NXPE1: variants seen among roughly 807,000 people sequenced by gnomAD.
The protein encoded by NXPE1 is neurexophilin and PC-esterase domain family member 1, also known as NXPE family member 1.
A neutral mutation model predicts 33.3 loss-of-function variants in NXPE1; 31 were observed. The ratio of observed to expected loss-of-function variants is 0.93; its 90% CI spans 0.70 to 1.26. NXPE1 has a LOEUF of 1.26. Among genes scored for constraint, NXPE1 ranks in the 50% most tolerant of loss-of-function variants. The probability of loss-of-function intolerance (pLI) is 0.00; values close to 1 mark genes in which losing one functional copy is unlikely to be tolerated. For missense variants in NXPE1, 661 were observed against 655.6 expected (o/e 1.01, Z -0.09); for synonymous variants, 229 against 231.4 (o/e 0.99, Z 0.09).
At chr11:114,527,047 A>T (rs373605230) in intron 7 of NXPE1, 1 of 152,176 alleles carries the variant, frequency 6.6e-6, no homozygotes, top group Admixed American at 6.5e-5. Flanking sequence ...TGTCTTTCAC[A>T]TTGCAAGCTA....
At chr11:114,532,743 A>G (rs1042828767) in intron 5 of NXPE1, among the ~76,000 whole-genome samples, 10 of 152,334 alleles carry the variant, frequency 6.6e-5, no homozygotes, top group African/African-American at 2.4e-4. Context: ...ATATACATAT[A>G]AAAGTATATA....
exon 9 of NXPE1, chr11:114,522,124 A>G: frequency 1.2e-6 from 2 of 1,614,126 alleles, no homozygotes; most frequent in Admixed American, 1.7e-5. Flanking sequence ...GATAGTGAAT[A>G]TAACCATGGA....
At chr11:114,533,595 C>T (rs575511024) in intron 5 of NXPE1, among the ~76,000 whole-genome samples, 158 of 152,312 alleles carry the variant, frequency 1.0e-3, no homozygotes, top group Middle Eastern at 6.8e-3. Context: ...CCTAATACTG[C>T]GCTTTTCCAA....
chr11:114,522,523 A>T lies in NXPE1; in HGVS notation c.1109-20T>A. On this transcript the variant is annotated intron_variant, in intron 8 of 8. Coordinates refer to ENST00000534921, the Ensembl canonical transcript of NXPE1. ...TCAGTGCTGATAAAAAAACAAATAG[A>T]TGTTTTAAATAGAAGATAATGGTTA... 1 of 1,529,804 alleles carries T rather than the reference A, an allele frequency of 6.5e-7. No homozygotes were observed. 94.8% of individuals were successfully genotyped at this position (1,529,804 alleles called of 1,614,324 possible). A position where few individuals can be genotyped will look rare whatever the true frequency, so the allele number is the denominator to read the frequency against.
chr11:114,538,690 T>C (rs571878339), intron 5 of NXPE1, among the ~76,000 whole-genome samples: 3,115 of 152,206 alleles, frequency 0.02, 117 homozygotes, highest in African/African-American at 0.072. Context: ...AAAATGCTCA[T>C]CATCACTGGC....
At chr11:114,550,671 TCTAA>T (rs1279634995) in intron 5 of NXPE1, among the ~76,000 whole-genome samples, 1 of 152,174 alleles carries the variant, frequency 6.6e-6, no homozygotes, top group Non-Finnish European at 1.5e-5. Flanking sequence ...GGAAAAACTT[TCTAA>T]CTGTGACTTA....
At chr11:114,554,098 T>G (rs1216797037) in intron 1 of NXPE1, 1 of 985,344 alleles carries the variant, frequency 1.0e-6, no homozygotes, top group African/African-American at 1.7e-5. Context: ...TCTGACTCAC[T>G]TGTCTCCTCT....
chr11:114,548,332 A>G (rs555311346), intron 5 of NXPE1, among the ~76,000 whole-genome samples: 3 of 152,026 alleles, frequency 2.0e-5, no homozygotes, highest in Non-Finnish European at 4.4e-5. Context: ...TCGTGTAGAT[A>G]TATACTGAAC....
chr11:114,545,711 A>G (rs1948256048), intron 5 of NXPE1, among the ~76,000 whole-genome samples: 2 of 147,122 alleles, frequency 1.4e-5, no homozygotes, highest in Non-Finnish European at 3.0e-5. Context: ...TTTTTTTGAG[A>G]CAGATTCCTG....
At chr11:114,535,366 A>G (rs113773161) in intron 5 of NXPE1, among the ~76,000 whole-genome samples, 10 of 152,172 alleles carry the variant, frequency 6.6e-5, no homozygotes, top group African/African-American at 9.7e-5. Flanking sequence ...GGAAGAAACT[A>G]CATCAACTAA....
At chr11:114,540,001 T>G (rs1948025856) in intron 5 of NXPE1, among the ~76,000 whole-genome samples, 1 of 152,208 alleles carries the variant, frequency 6.6e-6, no homozygotes, top group Admixed American at 6.5e-5. Flanking sequence ...ATAAAGACAT[T>G]TATAATTTCC....
At chr11:114,553,179 T>C (rs539977771) in intron 1 of NXPE1, among the ~76,000 whole-genome samples, 1 of 152,328 alleles carries the variant, frequency 6.6e-6, no homozygotes, top group East Asian at 1.9e-4. Flanking sequence ...AATTTATTCC[T>C]TTGTGCTCTT....
At chr11:114,528,318 A>G (rs543094939) in intron 6 of NXPE1, among the ~76,000 whole-genome samples, 3 of 152,300 alleles carry the variant, frequency 2.0e-5, no homozygotes, top group African/African-American at 7.2e-5. Flanking sequence ...CGACTGCCAG[A>G]GCACCCTTTC....
chr11:114,530,397 A>C (rs910017399), exon 6 of NXPE1: 5 of 1,614,242 alleles, frequency 3.1e-6, no homozygotes, highest in Non-Finnish European at 8.5e-7. Context: ...GCCTTTGAAA[A>C]TAATTTTATC....
chr11:114,545,793 A>C (rs1156383052), intron 5 of NXPE1, among the ~76,000 whole-genome samples: 2 of 151,270 alleles, frequency 1.3e-5, no homozygotes, highest in African/African-American at 4.9e-5. Context: ...GGTTCAAGCG[A>C]TTCTCCTACC....
intron 5 of NXPE1, among the ~76,000 whole-genome samples, chr11:114,536,432 C>T (rs1947827729): frequency 6.6e-6 from 1 of 152,072 alleles, no homozygotes; most frequent in African/African-American, 2.4e-5. Context: ...TAACTAAGAT[C>T]AGAGCAGGAC....
At chr11:114,535,084 T>C (rs12286277) in intron 5 of NXPE1, among the ~76,000 whole-genome samples, 35,469 of 151,806 alleles carry the variant, frequency 0.23, 5,890 homozygotes, top group African/African-American at 0.47. Context: ...GCTGATCTCT[T>C]GCCAGAAACT....
downstream of NXPE1, among the ~76,000 whole-genome samples, chr11:114,521,175 G>A (rs1165316836): frequency 6.6e-6 from 1 of 152,160 alleles, no homozygotes; most frequent in Admixed American, 6.6e-5. Flanking sequence ...TAACAGGAAA[G>A]AGGATAAATG....
In NXPE1 at chr11:114,547,602, G is replaced by T. The variant is rs561501125; in HGVS notation, c.99+3501C>A. Among the ~76,000 whole-genome samples the T allele has an allele frequency of 3.9e-3, 587 of 152,250 alleles. 5 individuals carry two copies. Among genetic ancestry groups the T allele is most frequent in the African/African-American group, 0.013 (533 of 41,554 alleles). ...ATATAAAAATTAGCCGGGTGTGCTG[G>T]TTCATGTTTGTCATCCCAGCTACTC... On this transcript the variant is annotated intron_variant, in intron 5 of 8. Coordinates refer to ENST00000534921, the Ensembl canonical transcript of NXPE1.
Sources: allele counts gnomAD v4.1 joint callset (sites outside exome capture counted in the v4.1 genomes callset), GRCh38; gene constraint gnomAD v4.1.1; transcripts MANE v1.5; gene names NCBI Gene and HGNC (gene_info 2026-07-23, HGNC 2026-07-21).